DGKB: variants seen among roughly 807,000 people sequenced by gnomAD.
The protein encoded by DGKB is 90 kDa diacylglycerol kinase.
DGKB carries 67 observed loss-of-function variants against 114.3 expected under a neutral mutation model. That is an observed-to-expected ratio of 0.59 (90% CI 0.48 to 0.72). The LOEUF (loss-of-function observed/expected upper bound fraction) is 0.72. Among genes scored for constraint, DGKB ranks in the 30% least tolerant of loss-of-function variants. The pLI is 0.00. For missense variants in DGKB, 907 were observed against 975.2 expected (o/e 0.93, Z 0.93); for synonymous variants, 398 against 323.1 (o/e 1.23, Z -2.49).
In DGKB at chr7:14,869,176, T is replaced by TA. The variant is rs986910918; in HGVS notation, c.-187-27727dup. ...CATCTTGCCAAAGGGAATATTACAT[T>TA]AAAAAAAATTGTTCTTCATCAAAAT... On this transcript the variant is annotated intron_variant, in intron 1 of 25. Coordinates refer to ENST00000402815, the MANE Select transcript of DGKB (RefSeq NM_001350709.2). Among the ~76,000 whole-genome samples, 7 of 152,128 alleles carry TA rather than the reference T, an allele frequency of 4.6e-5. 1 individual carries two copies. Among genetic ancestry groups the TA allele is most frequent in the East Asian group, 1.9e-4 (1 of 5,182 alleles).
intron 20 of DGKB, among the ~76,000 whole-genome samples, chr7:14,539,141 T>C (rs1047038520): frequency 2.6e-5 from 4 of 152,146 alleles, no homozygotes; most frequent in African/African-American, 9.7e-5. Flanking sequence ...ATCCTGTTAA[T>C]TGTTCTTACT....
chr7:14,476,974 A>G (rs1284825026), intron 21 of DGKB, among the ~76,000 whole-genome samples: 1 of 151,698 alleles, frequency 6.6e-6, no homozygotes, highest in African/African-American at 2.4e-5. Context: ...CTGGTCTCGA[A>G]CTCCCGACCT....
chr7:14,522,551 C>T (rs1007244964), intron 20 of DGKB, among the ~76,000 whole-genome samples: 5 of 152,118 alleles, frequency 3.3e-5, no homozygotes, highest in East Asian at 1.9e-4. Flanking sequence ...CGAGCCCTTT[C>T]GGCAGTGGCA....
At chr7:14,969,594 T>C (rs767395710) in intron 1 of DGKB, among the ~76,000 whole-genome samples, 40 of 152,144 alleles carry the variant, frequency 2.6e-4, no homozygotes, top group Non-Finnish European at 5.1e-4. Context: ...CACAGGAGCA[T>C]GAATCCTATT....
chr7:14,443,668 AG>A, intron 21 of DGKB, among the ~76,000 whole-genome samples: 1 of 152,030 alleles, frequency 6.6e-6, no homozygotes. Flanking sequence ...GGAACTTTAA[AG>A]GTTCTCTCAT....
At chr7:14,907,448 A>C (rs1305367280), upstream of DGKB, among the ~76,000 whole-genome samples, 2 of 152,186 alleles carry the variant, frequency 1.3e-5, no homozygotes, top group African/African-American at 4.8e-5. Flanking sequence ...ATGCCATAGC[A>C]CCTACCCCAC....
chr7:14,374,252 C>T (rs1388330921), intron 21 of DGKB, among the ~76,000 whole-genome samples: 4 of 152,162 alleles, frequency 2.6e-5, no homozygotes, highest in Non-Finnish European at 5.9e-5. Context: ...ATTAAACCTC[C>T]TCTTTTGACT....
chr7:14,677,002 A>G (rs1229051383), intron 12 of DGKB, among the ~76,000 whole-genome samples: 2 of 152,010 alleles, frequency 1.3e-5, no homozygotes, highest in Non-Finnish European at 2.9e-5. Context: ...ATGTAGGAAA[A>G]TCATATAATA....
rs571305737 is a variant in DGKB at position 14,169,637 on chromosome 7, G to T, written c.2304+7202C>A. On this transcript the variant is annotated intron_variant, in intron 25 of 25. Coordinates refer to ENST00000402815, the MANE Select transcript of DGKB (RefSeq NM_001350709.2). ...TTCTGAACTTTTTTCTGTGTAAAAT[G>T]AGGAGGCATTGAACTTTGAGATCAA... Among the ~76,000 whole-genome samples, 7 of 152,246 alleles carry T rather than the reference G, an allele frequency of 4.6e-5. No individual in the cohort carries two copies. The South Asian group carries it at 1.2e-3, about 27-fold the overall frequency.
rs73288935 is a variant in DGKB at position 14,964,284 on chromosome 7, G to A, written c.-188+10412C>T. On this transcript the variant is annotated intron_variant, in intron 1 of 4. Transcript: ENST00000437998. ...ACTTTAGGAGGCCAGACAGGCAGAT[G>A]GCTTGAGCTCAGGAGTTTGAGATCA... Among the ~76,000 whole-genome samples the A allele has an allele frequency of 3.8e-3, 583 of 152,132 alleles. 5 individuals carry two copies. The highest frequency in any genetic ancestry group is 0.013 in the African/African-American group (550 of 41,542).
chr7:14,673,852 GAT>G (rs1219303449), intron 12 of DGKB, among the ~76,000 whole-genome samples: 2 of 151,872 alleles, frequency 1.3e-5, no homozygotes, highest in Admixed American at 1.3e-4. Context: ...GCATTAATTT[GAT>G]ATGAACTCTT....
At chr7:14,152,912 G>A (rs922761176) in intron 25 of DGKB, among the ~76,000 whole-genome samples, 4 of 152,090 alleles carry the variant, frequency 2.6e-5, no homozygotes, top group African/African-American at 9.7e-5. Flanking sequence ...TTTTACACAC[G>A]TTATTCAGGT....
chr7:14,293,990 G>T (rs916935732), intron 23 of DGKB, among the ~76,000 whole-genome samples: 1 of 152,130 alleles, frequency 6.6e-6, no homozygotes, highest in African/African-American at 2.4e-5. Flanking sequence ...GAGTTCAAAA[G>T]TCAACAAGAG....
intron 2 of DGKB, among the ~76,000 whole-genome samples, chr7:14,825,286 T>G (rs1020056603): frequency 8.6e-5 from 13 of 151,586 alleles, no homozygotes; most frequent in African/African-American, 2.9e-4. Context: ...GGGAAATGGT[T>G]TCGGAATAAT....
intron 23 of DGKB, among the ~76,000 whole-genome samples, chr7:14,265,452 T>C (rs1359256623): frequency 6.6e-6 from 1 of 150,596 alleles, no homozygotes; most frequent in Non-Finnish European, 1.5e-5. Flanking sequence ...CCTAATCCTG[T>C]GACAGTTTCA....
chr7:14,688,006 A>G (rs1822020050), intron 9 of DGKB, among the ~76,000 whole-genome samples: 1 of 152,244 alleles, frequency 6.6e-6, no homozygotes, highest in Non-Finnish European at 1.5e-5. Flanking sequence ...TTGCCAAAAT[A>G]TGCAAGGGAT....
chr7:14,884,218 C>T (rs556393398), intron 1 of DGKB, among the ~76,000 whole-genome samples: 2 of 152,036 alleles, frequency 1.3e-5, no homozygotes, highest in East Asian at 1.9e-4. Context: ...TTTACAAATA[C>T]AATCAGACCC....
chr7:14,303,799 C>T (rs1468344936), intron 23 of DGKB, among the ~76,000 whole-genome samples: 2 of 151,926 alleles, frequency 1.3e-5, no homozygotes, highest in African/African-American at 4.8e-5. Flanking sequence ...GGCCCAGGAG[C>T]CTTTCACCGA....
At chr7:14,799,842 G>A (rs1841912825) in intron 2 of DGKB, among the ~76,000 whole-genome samples, 1 of 152,078 alleles carries the variant, frequency 6.6e-6, no homozygotes, top group Non-Finnish European at 1.5e-5. Flanking sequence ...GGAGCCTTTG[G>A]TAGAATTCTA....
Sources: gnomAD v4.1 joint callset for allele counts (sites outside exome capture counted in the v4.1 genomes callset) on GRCh38, gnomAD v4.1.1 for gene constraint, MANE v1.5 for transcripts, NCBI Gene and HGNC (gene_info 2026-07-23, HGNC 2026-07-21) for gene names.